The following REPS2 variants were observed in gnomAD, a reference collection of about 807,000 sequenced individuals.
REPS2 encodes ralBP1-associated Eps domain-containing protein 2.
In REPS2, 23 loss-of-function variants were observed where a neutral mutation model predicts 53.6. The observed-to-expected ratio is 0.43, with a 90% CI of 0.31 to 0.61. The LOEUF is 0.61. Ranked by LOEUF, REPS2 falls within the 20% of genes least tolerant of loss-of-function variation. The pLI, the probability that REPS2 is intolerant of heterozygous loss-of-function variation, is 0.11. For missense variants in REPS2, 446 were observed against 534.9 expected, an observed-to-expected ratio of 0.83 and a Z score of 1.64; for synonymous variants, 238 against 218.6, an observed-to-expected ratio of 1.09 and a Z score of -0.78.
At position 17,047,401 on chromosome X, in the gene REPS2, T is replaced by C; in HGVS notation, c.826T>C (p.Trp276Arg). 3.3e-6 allele frequency: 4 copies of C among 1,210,990 alleles called. No homozygotes were observed. The highest frequency in any genetic ancestry group is 4.5e-6 in the Non-Finnish European group (4 of 894,905). Residue 276 changes from tryptophan (W) to arginine (R), a missense_variant, in exon 6 of 18, where the codon TGG becomes CGG. Coordinates refer to ENST00000357277, the MANE Select transcript of REPS2 (RefSeq NM_004726.3). The part of the protein sequence containing the change: ...QDNSSYPDEP[W>R]RITEEQREYY... ...TAACAGCAGTTACCCCGACGAACCC[T>C]GGAGGATAACAGAAGAACAGCGCGA...
chrX:17,016,984 T>G (rs181949343), intron 2 of REPS2, among the ~76,000 whole-genome samples: 2 of 110,958 alleles, frequency 1.8e-5, no homozygotes, highest in African/African-American at 3.3e-5. Flanking sequence ...AAATTTTCAA[T>G]ATATTCTTTT....
chrX:17,192,115 C>T, the REPS2 span, among the ~76,000 whole-genome samples: 1 of 112,528 alleles, frequency 8.9e-6, no homozygotes, highest in Non-Finnish European at 1.9e-5. Context: ...ATCTCTCTCT[C>T]TCATTTTGAG....
At chrX:16,958,956 TG>T (rs2060628483) in intron 1 of REPS2, among the ~76,000 whole-genome samples, 1 of 111,989 alleles carries the variant, frequency 8.9e-6, no homozygotes, top group Admixed American at 9.4e-5. Context: ...AAAAAGAGCC[TG>T]GGGATACAGA....
chrX:17,143,840 C>T (rs2063478340), intron 17 of REPS2, among the ~76,000 whole-genome samples: 1 of 110,940 alleles, frequency 9.0e-6, no homozygotes, highest in Non-Finnish European at 1.9e-5. Context: ...TCGTTGTGAT[C>T]TTTTTTTATG....
chrX:17,156,409 C>CAT (rs765156297), downstream of REPS2, among the ~76,000 whole-genome samples: 1,082 of 105,262 alleles, frequency 0.01, 10 homozygotes, highest in African/African-American at 0.032. Context: ...ATATGTAATA[C>CAT]ATATATATAT....
chrX:17,175,349 G>A, the REPS2 span, among the ~76,000 whole-genome samples: 2 of 112,386 alleles, frequency 1.8e-5, no homozygotes, highest in Non-Finnish European at 3.8e-5. Context: ...AATTAGACAC[G>A]GTTATCTCCA....
At chrX:17,185,377 G>A in the REPS2 span, among the ~76,000 whole-genome samples, 1 of 111,522 alleles carries the variant, frequency 9.0e-6, no homozygotes, top group Non-Finnish European at 1.9e-5. Flanking sequence ...CCAGATTCAA[G>A]GTATACAGAA....
At position 16,994,881 on chromosome X, in the gene REPS2, C is replaced by G. The variant is rs757733193; in HGVS notation, c.274-11340C>G. ...CAGAGCGTAGGTCTTGTGCCCATACCCTGATTGAAAAGAAATCAGGAAAGT... is the reference window on the plus strand; with the variant it reads ...CAGAGCGTAGGTCTTGTGCCCATACGCTGATTGAAAAGAAATCAGGAAAGT... On this transcript the variant is annotated intron_variant, in intron 1 of 17. Transcript: ENST00000357277. Among the ~76,000 whole-genome samples the G allele has an allele frequency of 3.6e-5, 4 of 111,665 alleles. No individual in the cohort carries two copies. The South Asian group carries it at 1.5e-3, about 42-fold the overall frequency.
intron 14 of REPS2, among the ~76,000 whole-genome samples, chrX:17,120,593 T>C (rs1484854713): frequency 1.8e-5 from 2 of 111,764 alleles, no homozygotes; most frequent in Non-Finnish European, 3.8e-5. Flanking sequence ...TGGGGTCTAG[T>C]TGGCAAACAC....
At chrX:17,037,143 G>A (rs1038875536) in intron 5 of REPS2, among the ~76,000 whole-genome samples, 6 of 110,962 alleles carry the variant, frequency 5.4e-5, no homozygotes, top group Non-Finnish European at 1.1e-4. Context: ...TCACCTGCTT[G>A]TAGTTCTCTT....
intron 1 of REPS2, among the ~76,000 whole-genome samples, chrX:16,968,256 C>T (rs1266108971): frequency 5.4e-5 from 6 of 111,826 alleles, no homozygotes; most frequent in Non-Finnish European, 9.5e-5. Context: ...TACACAGACA[C>T]GGCAACCATC....
At chrX:17,107,472 A>T (rs1359305059) in intron 14 of REPS2, among the ~76,000 whole-genome samples, 3 of 112,414 alleles carry the variant, frequency 2.7e-5, no homozygotes, top group African/African-American at 9.7e-5. Context: ...GTACATTTGC[A>T]ATATGCATAC....
At chrX:17,022,327 C>T (rs1177385164) in intron 3 of REPS2, 56 bp downstream of exon 3, 8 of 1,071,337 alleles carry the variant, frequency 7.5e-6, no homozygotes, top group Non-Finnish European at 1.0e-5. Context: ...CCGCATGTAG[C>T]AGGGCCTCGT....
At chrX:17,024,071 T>C (rs1329112628) in intron 3 of REPS2, among the ~76,000 whole-genome samples, 1 of 107,994 alleles carries the variant, frequency 9.3e-6, no homozygotes, top group Non-Finnish European at 1.9e-5. Flanking sequence ...GGAGGATTGC[T>C]TGAGCCCAAG....
chrX:17,026,196 G>A (rs2061643333), intron 4 of REPS2, among the ~76,000 whole-genome samples: 1 of 111,826 alleles, frequency 8.9e-6, no homozygotes. Flanking sequence ...TCTGAACCAC[G>A]ATTACCTCTT....
chrX:17,141,975 G>A (rs2063453274), intron 17 of REPS2, among the ~76,000 whole-genome samples: 1 of 111,825 alleles, frequency 8.9e-6, no homozygotes, highest in Non-Finnish European at 1.9e-5. Context: ...GAAGAACAAA[G>A]TTGGAGGAAT....
At chrX:17,110,052 A>G (rs1300247471) in intron 14 of REPS2, among the ~76,000 whole-genome samples, 2 of 112,031 alleles carry the variant, frequency 1.8e-5, no homozygotes, top group Non-Finnish European at 3.8e-5. Flanking sequence ...GATTCAAAAT[A>G]GTAAATTCTT....
chrX:17,195,162 C>T, the REPS2 span, among the ~76,000 whole-genome samples: 705 of 112,066 alleles, frequency 6.3e-3, 11 homozygotes, highest in African/African-American at 0.022. Context: ...CATGCTCTCT[C>T]TTCAGATAAC....
chrX:17,118,907 A>G (rs918754894), intron 14 of REPS2, among the ~76,000 whole-genome samples: 1 of 112,587 alleles, frequency 8.9e-6, no homozygotes, highest in African/African-American at 3.2e-5. Flanking sequence ...GAACAGAAAG[A>G]GAACTTTTGC....
Sources: allele counts gnomAD v4.1 joint callset (sites outside exome capture counted in the v4.1 genomes callset), GRCh38; gene constraint gnomAD v4.1.1; transcripts MANE v1.5; gene names NCBI Gene and HGNC (gene_info 2026-07-23, HGNC 2026-07-21).